Variants in TMEM200A observed in about 807,000 individuals in gnomAD.
The protein encoded by TMEM200A is transmembrane protein 200A.
A neutral mutation model predicts 24.3 loss-of-function variants in TMEM200A; 12 were observed. The observed-to-expected ratio is 0.49, with a 90% CI of 0.32 to 0.80. The LOEUF (loss-of-function observed/expected upper bound fraction) is 0.80, where lower values mean the gene tolerates loss of function less well. Ranked by LOEUF, TMEM200A falls within the 30% of genes least tolerant of loss-of-function variation. TMEM200A has a pLI of 0.04. For synonymous variants in TMEM200A, 224 were observed against 224.4 expected, an observed-to-expected ratio of 1.00 and a Z score of 0.02; for missense variants, 545 against 614.4, an observed-to-expected ratio of 0.89 and a Z score of 1.19.
At chr6:130,392,694 T>C (rs568778055) in intron 2 of TMEM200A, among the ~76,000 whole-genome samples, 1 of 152,306 alleles carries the variant, frequency 6.6e-6, no homozygotes, top group Admixed American at 6.5e-5. Context: ...AGCTAACATG[T>C]ACTCATTTTT....
At chr6:130,410,279 A>G (rs962094542) in intron 2 of TMEM200A, among the ~76,000 whole-genome samples, 3 of 152,190 alleles carry the variant, frequency 2.0e-5, no homozygotes, top group Non-Finnish European at 1.5e-5. Context: ...CATCTTACAT[A>G]TTAGAAACTC....
intron 1 of TMEM200A, among the ~76,000 whole-genome samples, chr6:130,381,197 T>C (rs75310308): frequency 0.015 from 2,209 of 152,244 alleles, 53 homozygotes; most frequent in African/African-American, 0.05. Flanking sequence ...TCCTTTGGCA[T>C]CTTTCTCTTC....
intron 2 of TMEM200A, among the ~76,000 whole-genome samples, chr6:130,414,386 C>G (rs771613777): frequency 6.9e-6 from 1 of 145,748 alleles, no homozygotes; most frequent in Admixed American, 6.9e-5. Context: ...AAGCTGAGAT[C>G]GCGCTGCTGC....
intron 2 of TMEM200A, among the ~76,000 whole-genome samples, chr6:130,389,921 A>G (rs764662298): frequency 3.3e-5 from 5 of 152,212 alleles, no homozygotes; most frequent in Non-Finnish European, 7.3e-5. Flanking sequence ...ATTTTACTTT[A>G]TGAGAACAAT....
At position 130,441,127 on chromosome 6, in the gene TMEM200A, A is replaced by C; in HGVS notation, c.705A>C (p.Glu235Asp). 1 of 1,614,064 alleles carries C rather than the reference A, an allele frequency of 6.2e-7. No individual in the cohort carries two copies. The highest frequency in any genetic ancestry group is 1.7e-5 in the Admixed American group (1 of 60,022). The change falls in exon 3 of 3, where the codon GAA becomes GAC. Residue 235 changes from glutamate (E) to aspartate (D), a missense_variant. Coordinates refer to ENST00000296978, the MANE Select transcript of TMEM200A (RefSeq NM_001258277.2). ...SVEEDELMLN[E>D]GKSSGHLMPP... ...AGGAGGATGAACTTATGTTAAATGA[A>C]GGTAAGAGTTCTGGGCATCTTATGC...
intron 2 of TMEM200A, among the ~76,000 whole-genome samples, chr6:130,391,512 C>A (rs944882246): frequency 1.3e-5 from 2 of 152,056 alleles, no homozygotes; most frequent in Non-Finnish European, 2.9e-5. Context: ...CTCTCTCTCC[C>A]GCTCTCTCTT....
At chr6:130,435,230 C>T (rs537481304) in intron 2 of TMEM200A, among the ~76,000 whole-genome samples, 7 of 152,026 alleles carry the variant, frequency 4.6e-5, no homozygotes, top group African/African-American at 1.7e-4. Context: ...AGCAATTCAC[C>T]CGCCTTGGCC....
intron 2 of TMEM200A, among the ~76,000 whole-genome samples, chr6:130,392,616 A>G (rs1054482721): frequency 2.6e-5 from 4 of 152,166 alleles, no homozygotes. Context: ...TAGTAACTCA[A>G]ATCCCAACAT....
chr6:130,431,559 T>A (rs928689011), intron 2 of TMEM200A, among the ~76,000 whole-genome samples: 1 of 152,160 alleles, frequency 6.6e-6, no homozygotes, highest in South Asian at 2.1e-4. Flanking sequence ...GTGGAAAGCA[T>A]ATTTCTACTT....
chr6:130,377,960 A>G (rs1778501124), intron 1 of TMEM200A, among the ~76,000 whole-genome samples: 1 of 152,294 alleles, frequency 6.6e-6, no homozygotes, highest in Middle Eastern at 3.4e-3. Context: ...GAATGATGCC[A>G]GGGAAGAAAT....
rs560937052 is a variant in TMEM200A at position 130,406,235 on chromosome 6, G to A, written c.-17+20999G>A. On this transcript the variant is annotated intron_variant, in intron 2 of 2. Coordinates refer to ENST00000296978, the MANE Select transcript of TMEM200A (RefSeq NM_001258277.2). The stretch of plus-strand genomic sequence containing the variant: ...ATATAGAATATACTACATGCACAAA[G>A]GAGAAATATAAAATATATGTGCAGC... Among the ~76,000 whole-genome samples the A allele has an allele frequency of 1.1e-4, 16 of 152,134 alleles. No individual in the cohort carries two copies. The East Asian group carries it at 2.7e-3, about 26-fold the overall frequency.
At chr6:130,367,575 G>A (rs1191185545) in intron 1 of TMEM200A, among the ~76,000 whole-genome samples, 1 of 152,174 alleles carries the variant, frequency 6.6e-6, no homozygotes, top group African/African-American at 2.4e-5. Flanking sequence ...ATACTAGAAA[G>A]CATTATCATT....
At chr6:130,369,625 A>C (rs1778269044) in intron 1 of TMEM200A, among the ~76,000 whole-genome samples, 1 of 152,154 alleles carries the variant, frequency 6.6e-6, no homozygotes. Context: ...AGAGTAATTG[A>C]TATGACTCTT....
At chr6:130,424,809 A>T (rs1044519732) in intron 2 of TMEM200A, among the ~76,000 whole-genome samples, 4 of 152,092 alleles carry the variant, frequency 2.6e-5, no homozygotes, top group Non-Finnish European at 5.9e-5. Context: ...GGAGTTGCTG[A>T]TAGAAGGTTA....
intron 1 of TMEM200A, among the ~76,000 whole-genome samples, chr6:130,370,589 C>G (rs1778298128): frequency 6.6e-6 from 1 of 152,152 alleles, no homozygotes; most frequent in African/African-American, 2.4e-5. Flanking sequence ...GGAAGCAACT[C>G]AGGTGCCCAA....
At chr6:130,412,027 C>T (rs1281858035) in intron 2 of TMEM200A, among the ~76,000 whole-genome samples, 1 of 150,854 alleles carries the variant, frequency 6.6e-6, no homozygotes, top group African/African-American at 2.4e-5. Context: ...CTCAATTATC[C>T]CATATTTGAC....
intron 2 of TMEM200A, among the ~76,000 whole-genome samples, chr6:130,416,061 T>A (rs1411420841): frequency 6.6e-6 from 1 of 152,168 alleles, no homozygotes; most frequent in Non-Finnish European, 1.5e-5. Context: ...GGCTTTTTCT[T>A]GTTGTTTTCT....
At chr6:130,440,099 T>G (rs1413661185) in intron 2 of TMEM200A, among the ~76,000 whole-genome samples, 2 of 152,012 alleles carry the variant, frequency 1.3e-5, no homozygotes, top group East Asian at 3.9e-4. Flanking sequence ...GGGGACTATT[T>G]TATATTAATA....
chr6:130,428,765 C>G (rs568475027), intron 2 of TMEM200A, among the ~76,000 whole-genome samples: 16 of 152,206 alleles, frequency 1.1e-4, no homozygotes, highest in African/African-American at 3.9e-4. Flanking sequence ...AATACTATGT[C>G]AAGATGATAT....
Sources: allele counts gnomAD v4.1 joint callset (sites outside exome capture counted in the v4.1 genomes callset), GRCh38; gene constraint gnomAD v4.1.1; transcripts MANE v1.5; gene names NCBI Gene and HGNC (gene_info 2026-07-23, HGNC 2026-07-21).